The following PPFIA2 variants were observed in gnomAD, a reference collection of about 807,000 sequenced individuals.
PPFIA2 encodes liprin-alpha-2.
PPFIA2 carries 46 observed loss-of-function variants against 175.5 expected under a neutral mutation model. That is an observed-to-expected ratio of 0.26 (90% CI 0.21 to 0.34). The LOEUF (loss-of-function observed/expected upper bound fraction) is 0.34. Among genes scored for constraint, PPFIA2 ranks in the 10% least tolerant of loss-of-function variants. PPFIA2 has a pLI of 1.00. For missense variants in PPFIA2, 1,179 were observed against 1,506.1 expected (o/e 0.78, Z 3.60); for synonymous variants, 568 against 511.4 (o/e 1.11, Z -1.49).
At chr12:81,598,445 C>CA in intron 4 of PPFIA2, 1 of 915,396 alleles carries the variant, frequency 1.1e-6, no homozygotes, top group East Asian at 1.1e-4. Context: ...CAATAACATA[C>CA]AGTTTCATTT....
chr12:81,379,380 T>C (rs768676667), intron 9 of PPFIA2, among the ~76,000 whole-genome samples: 10 of 152,164 alleles, frequency 6.6e-5, no homozygotes, highest in Non-Finnish European at 1.3e-4. Flanking sequence ...GTGAAAAATA[T>C]AACTACATGT....
intron 24 of PPFIA2, among the ~76,000 whole-genome samples, chr12:81,288,166 C>A (rs1038433160): frequency 6.6e-6 from 1 of 151,848 alleles, no homozygotes; most frequent in Non-Finnish European, 1.5e-5. Flanking sequence ...TCAGGTTCTG[C>A]ACTTCTTAAG....
intron 3 of PPFIA2, among the ~76,000 whole-genome samples, chr12:81,724,500 T>A (rs1022969873): frequency 2.7e-5 from 4 of 150,846 alleles, no homozygotes; most frequent in African/African-American, 9.7e-5. Context: ...TTTCTGAGTC[T>A]CCAGTGTTTA....
intron 8 of PPFIA2, among the ~76,000 whole-genome samples, chr12:81,404,735 T>C (rs1301915721): frequency 1.3e-5 from 2 of 152,220 alleles, no homozygotes; most frequent in African/African-American, 4.8e-5. Context: ...TTACTTACTT[T>C]ATTTTGCTTT....
intron 4 of PPFIA2, among the ~76,000 whole-genome samples, chr12:81,648,367 G>A (rs2066485020): frequency 6.6e-6 from 1 of 151,782 alleles, no homozygotes; most frequent in Non-Finnish European, 1.5e-5. Context: ...AAAGCTATTA[G>A]AACTAATAGT....
intron 4 of PPFIA2, among the ~76,000 whole-genome samples, chr12:81,464,049 C>T (rs1038638387): frequency 2.0e-5 from 3 of 151,926 alleles, no homozygotes; most frequent in South Asian, 4.1e-4. Flanking sequence ...TTTTCTTCCC[C>T]GCTCCCATCA....
At chr12:81,457,220 G>C (rs1027069073) in intron 5 of PPFIA2, among the ~76,000 whole-genome samples, 1 of 151,396 alleles carries the variant, frequency 6.6e-6, no homozygotes, top group Non-Finnish European at 1.5e-5. Flanking sequence ...CTGAACTTAG[G>C]TGATCCGCCT....
chr12:81,611,142 G>A (rs186053401), intron 4 of PPFIA2, among the ~76,000 whole-genome samples: 4 of 152,174 alleles, frequency 2.6e-5, no homozygotes, highest in Admixed American at 2.6e-4. Flanking sequence ...GTCTGCTCTC[G>A]GGCCTTGTGG....
At chr12:81,463,681 A>G (rs773741322) in intron 4 of PPFIA2, among the ~76,000 whole-genome samples, 1 of 152,062 alleles carries the variant, frequency 6.6e-6, no homozygotes, top group Non-Finnish European at 1.5e-5. Flanking sequence ...TGCTGGGAAG[A>G]TGACAAGCAA....
At chr12:81,362,663 A>G (rs1466164889) in intron 15 of PPFIA2, 30 bp downstream of exon 15, 1 of 1,432,746 alleles carries the variant, frequency 7.0e-7, no homozygotes, top group Admixed American at 2.0e-5. Flanking sequence ...TTTTCAGTGA[A>G]TTATAGATAA....
chr12:81,500,504 A>G (rs1023125139), intron 4 of PPFIA2, among the ~76,000 whole-genome samples: 1 of 152,208 alleles, frequency 6.6e-6, no homozygotes, highest in Non-Finnish European at 1.5e-5. Context: ...CACAGATCCC[A>G]GGCATAACAA....
rs975549049 is a variant in PPFIA2, at chr12:81,259,060, C to T, written c.*634G>A. 6 of 162,588 alleles carry T rather than the reference C, an allele frequency of 3.7e-5. No individual in the cohort carries two copies. The highest frequency in any genetic ancestry group is 1.5e-4 in the African/African-American group (6 of 41,362). 10.1% of individuals were successfully genotyped at this position (162,588 alleles called of 1,614,324 possible). A position where few individuals can be genotyped will look rare whatever the true frequency, so the allele number is the denominator to read the frequency against. ...TAAAGCTCTATTTTTGGCTCCGGTTCCAGGTTAAATCATTCTTTTTTACAT... is the reference window on the plus strand; with the variant it reads ...TAAAGCTCTATTTTTGGCTCCGGTTTCAGGTTAAATCATTCTTTTTTACAT... On this transcript the variant is annotated 3_prime_UTR_variant, in exon 33 of 33. Transcript: ENST00000549396.
chr12:81,478,746 C>T (rs1478616818), intron 4 of PPFIA2, among the ~76,000 whole-genome samples: 1 of 152,090 alleles, frequency 6.6e-6, no homozygotes, highest in Non-Finnish European at 1.5e-5. Flanking sequence ...TTTCTTAATC[C>T]TGAGTTCTAA....
intron 7 of PPFIA2, among the ~76,000 whole-genome samples, chr12:81,406,452 T>C (rs2042952784): frequency 6.6e-6 from 1 of 152,134 alleles, no homozygotes; most frequent in Non-Finnish European, 1.5e-5. Context: ...TTTATTATTA[T>C]AATTTTAATG....
intron 30 of PPFIA2, among the ~76,000 whole-genome samples, chr12:81,266,133 T>A (rs1436657684): frequency 1.3e-5 from 2 of 152,206 alleles, no homozygotes; most frequent in Non-Finnish European, 2.9e-5. Context: ...TGGTCCATAT[T>A]TGAATTTGCT....
intron 4 of PPFIA2, among the ~76,000 whole-genome samples, chr12:81,620,330 A>G (rs118166097): frequency 0.011 from 1,719 of 152,256 alleles, 11 homozygotes; most frequent in Non-Finnish European, 0.019. Flanking sequence ...AGTTTTAAGG[A>G]AAAAAGTTTA....
chr12:81,325,826 A>G lies in PPFIA2; in HGVS notation c.2593T>C (p.Leu865=). The change falls in exon 22 of 33, where the codon TTA becomes CTA. Residue 865 remains leucine, a synonymous_variant. Transcript: ENST00000549396. The stretch of plus-strand genomic sequence containing the variant: ...TCAGCTTGAGTTCCGAGTTTGCCTA[A>G]CCCCAGGGACTCCTGAGCTGCAGCT... ...TEAAAQESLG[L]GKLGTQAEKD... 6.2e-7 allele frequency: 1 copy of G among 1,612,820 alleles called. No individual in the cohort carries two copies.
chr12:81,447,412 A>G lies in PPFIA2; in HGVS notation c.406-1692T>C, dbSNP rs192888602. The stretch of plus-strand genomic sequence containing the variant: ...TCTGACCTACTTTTAGCTCCTCAGT[A>G]TGTCAAGCCTTTGCTTATGCTGTAC... On this transcript the variant is annotated intron_variant, in intron 5 of 32. Transcript: ENST00000549396. Among the ~76,000 whole-genome samples, 3 of 152,214 alleles carry G rather than the reference A, an allele frequency of 2.0e-5. No homozygotes were observed. The East Asian group carries it at 5.8e-4, about 29-fold the overall frequency.
At chr12:81,456,568 A>AT (rs1224370167) in intron 5 of PPFIA2, among the ~76,000 whole-genome samples, 1 of 152,080 alleles carries the variant, frequency 6.6e-6, no homozygotes, top group Admixed American at 6.6e-5. Flanking sequence ...AGCTATACCT[A>AT]TTTTTTTCAG....
Sources: allele counts gnomAD v4.1 joint callset (sites outside exome capture counted in the v4.1 genomes callset), GRCh38; gene constraint gnomAD v4.1.1; transcripts MANE v1.5; gene names NCBI Gene and HGNC (gene_info 2026-07-23, HGNC 2026-07-21).